The following RBFOX1 variants were observed in gnomAD, a reference collection of about 807,000 sequenced individuals.
The protein encoded by RBFOX1 is RNA binding protein fox-1 homolog 1.
In RBFOX1, 8 loss-of-function variants were observed where a neutral mutation model predicts 57.7. The ratio of observed to expected loss-of-function variants is 0.14; its 90% CI spans 0.08 to 0.25. RBFOX1 has a LOEUF of 0.25. RBFOX1 is among the 10% of genes least tolerant of loss of function. The pLI is 1.00. For synonymous variants in RBFOX1, 326 were observed against 222.4 expected, an observed-to-expected ratio of 1.47 and a Z score of -4.15; for missense variants, 611 against 548.5, an observed-to-expected ratio of 1.11 and a Z score of -1.14.
intron 3 of RBFOX1, among the ~76,000 whole-genome samples, chr16:6,809,244 G>C (rs1295637919): frequency 1.3e-5 from 2 of 152,084 alleles, no homozygotes; most frequent in Non-Finnish European, 2.9e-5. Flanking sequence ...TGTGATTCTG[G>C]GGGCTGCCTT....
intron 2 of RBFOX1, among the ~76,000 whole-genome samples, chr16:6,468,351 C>T (rs1406831770): frequency 6.6e-6 from 1 of 152,120 alleles, no homozygotes; most frequent in Non-Finnish European, 1.5e-5. Context: ...AAGCTTGTGC[C>T]CCACTGCTGG....
chr16:6,331,651 T>C (rs2083052681), intron 2 of RBFOX1, among the ~76,000 whole-genome samples: 1 of 151,688 alleles, frequency 6.6e-6, no homozygotes, highest in Non-Finnish European at 1.5e-5. Flanking sequence ...ATCTTCTGTT[T>C]TCTATTCAGT....
chr16:5,259,990 C>T (rs1020112161), intron 1 of RBFOX1, among the ~76,000 whole-genome samples: 3 of 152,082 alleles, frequency 2.0e-5, no homozygotes, highest in East Asian at 1.9e-4. Context: ...CACTTGAGGC[C>T]GAGAGTTTGA....
intron 3 of RBFOX1, among the ~76,000 whole-genome samples, chr16:6,920,594 A>C (rs2153453243): frequency 6.6e-6 from 1 of 152,328 alleles, no homozygotes; most frequent in South Asian, 2.1e-4. Context: ...GGGAATTAGA[A>C]GTCTGAAATC....
chr16:6,291,253 G>C (rs1301244412), intron 1 of RBFOX1, among the ~76,000 whole-genome samples: 2 of 152,072 alleles, frequency 1.3e-5, no homozygotes, highest in Non-Finnish European at 2.9e-5. Context: ...TAACCATCTG[G>C]GAATGCAGCC....
chr16:5,381,023 G>C (rs1434451806), intron 1 of RBFOX1, among the ~76,000 whole-genome samples: 1 of 152,220 alleles, frequency 6.6e-6, no homozygotes, highest in African/African-American at 2.4e-5. Flanking sequence ...CATGGCTTGA[G>C]CTTTGGAACT....
At chr16:6,726,686 G>A (rs2067263946) in intron 3 of RBFOX1, among the ~76,000 whole-genome samples, 1 of 152,116 alleles carries the variant, frequency 6.6e-6, no homozygotes, top group African/African-American at 2.4e-5. Context: ...CGTCTGGACT[G>A]GACCCCTGGG....
At chr16:5,240,278 G>T (rs1180490856) in intron 1 of RBFOX1, among the ~76,000 whole-genome samples, 1 of 152,008 alleles carries the variant, frequency 6.6e-6, no homozygotes, top group African/African-American at 2.4e-5. Context: ...GACGCCAGCT[G>T]CCCCTTCTCG....
At chr16:7,124,983 C>T (rs1481354271) in intron 4 of RBFOX1, among the ~76,000 whole-genome samples, 1 of 152,118 alleles carries the variant, frequency 6.6e-6, no homozygotes, top group Non-Finnish European at 1.5e-5. Context: ...TATGTGTCTG[C>T]TCACGGACTG....
chr16:6,646,412 A>C (rs1045405723), intron 2 of RBFOX1, among the ~76,000 whole-genome samples: 8 of 152,148 alleles, frequency 5.3e-5, no homozygotes, highest in Non-Finnish European at 1.2e-4. Context: ...GAATAAATTG[A>C]ATAATCTTAG....
intron 1 of RBFOX1, among the ~76,000 whole-genome samples, chr16:6,215,226 AAG>A (rs1598432676): frequency 2.5e-5 from 2 of 79,296 alleles, no homozygotes; most frequent in Non-Finnish European, 2.6e-5. Context: ...GGGAGAGACA[AAG>A]AGGGGAAGAA....
chr16:6,408,619 C>T (rs770864783), intron 2 of RBFOX1, among the ~76,000 whole-genome samples: 33 of 152,124 alleles, frequency 2.2e-4, no homozygotes, highest in Non-Finnish European at 3.7e-4. Flanking sequence ...TGTTCTTAGG[C>T]AACAAGGCCA....
chr16:6,849,666 CT>C (rs1337850466), intron 3 of RBFOX1, among the ~76,000 whole-genome samples: 1 of 152,056 alleles, frequency 6.6e-6, no homozygotes, highest in East Asian at 1.9e-4. Flanking sequence ...AAGACTCCAT[CT>C]CAAAAAAACA....
At chr16:7,203,726 C>T (rs1400750552) in intron 4 of RBFOX1, among the ~76,000 whole-genome samples, 1 of 151,888 alleles carries the variant, frequency 6.6e-6, no homozygotes, top group Non-Finnish European at 1.5e-5. Flanking sequence ...TCTCTGTTTC[C>T]CTTTGCAAAT....
chr16:6,371,845 TC>T (rs1391754340), intron 2 of RBFOX1, among the ~76,000 whole-genome samples: 1 of 152,234 alleles, frequency 6.6e-6, no homozygotes, highest in Non-Finnish European at 1.5e-5. Flanking sequence ...GGATACATTA[TC>T]TAGGTTAAAA....
chr16:6,859,699 A>C (rs956834954), intron 3 of RBFOX1, among the ~76,000 whole-genome samples: 1 of 152,174 alleles, frequency 6.6e-6, no homozygotes. Flanking sequence ...TTAATCGACT[A>C]CGGTATCAGC....
chr16:6,629,115 T>C (rs1015582043), intron 2 of RBFOX1, among the ~76,000 whole-genome samples: 22 of 152,230 alleles, frequency 1.4e-4, no homozygotes, highest in African/African-American at 5.3e-4. Flanking sequence ...TGTGTGTGTA[T>C]ATGTGTACCT....
chr16:5,831,201 A>G (rs1473637586), intron 3 of RBFOX1, among the ~76,000 whole-genome samples: 2 of 152,058 alleles, frequency 1.3e-5, no homozygotes, highest in Admixed American at 6.5e-5. Flanking sequence ...ACCTGGTGGG[A>G]ACTGTTTGGA....
chr16:5,247,615 T>C (rs900544568), intron 1 of RBFOX1, among the ~76,000 whole-genome samples: 1 of 152,204 alleles, frequency 6.6e-6, no homozygotes, highest in African/African-American at 2.4e-5. Context: ...TAAAGTTTTA[T>C]TGGAACACAG....
Sources: allele counts gnomAD v4.1 joint callset (sites outside exome capture counted in the v4.1 genomes callset), GRCh38; gene constraint gnomAD v4.1.1; transcripts MANE v1.5; gene names NCBI Gene and HGNC (gene_info 2026-07-23, HGNC 2026-07-21).